The following JMJD7 variants were observed in gnomAD, a reference collection of about 807,000 sequenced individuals.
The protein encoded by JMJD7 is bifunctional peptidase and (3S)-lysyl hydroxylase JMJD7.
JMJD7 carries 41 observed loss-of-function variants against 41.1 expected under a neutral mutation model. That is an observed-to-expected ratio of 1.00 (90% confidence interval 0.78 to 1.30). The LOEUF (loss-of-function observed/expected upper bound fraction) is 1.30, where lower values mean the gene tolerates loss of function less well. JMJD7 is among the 50% of genes most tolerant of loss of function. The pLI, the probability that JMJD7 is intolerant of heterozygous loss-of-function variation, is 0.00. For missense variants in JMJD7, 480 were observed against 420.7 expected, an observed-to-expected ratio of 1.14 and a Z score of -1.23; for synonymous variants, 202 against 177.2, an observed-to-expected ratio of 1.14 and a Z score of -1.11.
At chr15:41,833,669 C>G (rs947656809) in intron 1 of JMJD7, among the ~76,000 whole-genome samples, 1 of 151,912 alleles carries the variant, frequency 6.6e-6, no homozygotes, top group Non-Finnish European at 1.5e-5. Context: ...ATCCTCCTGC[C>G]TCTGCCTCCC....
intron 1 of JMJD7, among the ~76,000 whole-genome samples, chr15:41,830,417 C>T (rs564470948): frequency 4.6e-5 from 7 of 152,348 alleles, no homozygotes; most frequent in African/African-American, 1.4e-4. Context: ...GTGGGGAAAA[C>T]GTGAAGAGGA....
intron 1 of JMJD7, chr15:41,829,346 C>G (rs2065193108): frequency 6.6e-6 from 1 of 152,280 alleles, no homozygotes; most frequent in African/African-American, 2.4e-5. Context: ...GGGTCTTACT[C>G]TGTCACACAG....
intron 5 of JMJD7, 70 bp downstream of exon 5, chr15:41,836,313 C>A (rs995139139): frequency 6.3e-7 from 1 of 1,595,996 alleles, no homozygotes; most frequent in South Asian, 1.1e-5. Context: ...CAGCAAGAGC[C>A]TGGGAGGCCA....
intron 1 of JMJD7, among the ~76,000 whole-genome samples, chr15:41,833,404 A>ATTTTTTTTTT (rs1567164783): frequency 7.3e-5 from 3 of 41,150 alleles, no homozygotes; most frequent in African/African-American, 2.2e-4. Context: ...ATATATATAT[A>ATTTTTTTTTT]TATATATATA....
chr15:41,833,711 C>T (rs756686040), intron 1 of JMJD7, among the ~76,000 whole-genome samples: 8 of 151,890 alleles, frequency 5.3e-5, no homozygotes, highest in Admixed American at 1.3e-4. Context: ...TGAGCCACCA[C>T]GTCTAGCCCT....
rs1333165175 is a variant in JMJD7, at chr15:41,836,246, A to G, written c.625+3A>G. The G allele has an allele frequency of 6.2e-7, 1 of 1,612,288 alleles. No homozygotes were observed. The highest frequency in any genetic ancestry group is 8.5e-7 in the Non-Finnish European group (1 of 1,179,248). ...CGACCGGCCCTTCATCCCCTATGGT[A>G]GGGGATGTGGCCTGCAGGGAGGGGC... On this transcript the variant is annotated splice_donor_region_variant and intron_variant, in intron 5 of 7. Coordinates refer to ENST00000397299, the MANE Select transcript of JMJD7 (RefSeq NM_001114632.2).
chr15:41,833,524 G>A (rs1383341728), intron 1 of JMJD7, among the ~76,000 whole-genome samples: 2 of 147,326 alleles, frequency 1.4e-5, no homozygotes, highest in African/African-American at 5.0e-5. Context: ...GGACTCAAGT[G>A]ATCCTCTGGC....
rs765412399 is a variant in JMJD7 at position 41,828,136 on chromosome 15, G to T, written c.12G>T (p.Ala4=). The T allele has an allele frequency of 3.4e-6, 5 of 1,470,762 alleles. No individual in the cohort carries two copies. The African/African-American group carries it at 4.5e-5, about 13-fold the overall frequency. 91.1% of individuals were successfully genotyped at this position (1,470,762 alleles called of 1,614,324 possible). The change falls in exon 1 of 8, where the codon GCG becomes GCT. Residue 4 remains alanine, a synonymous_variant. Coordinates refer to ENST00000397299, the MANE Select transcript of JMJD7 (RefSeq NM_001114632.2). ...GCGCTGACGCAGCCATGGCGGAGGC[G>T]GCTTTGGAAGCCGTGCGGAGCGAGT... The part of the protein sequence containing the change: MAE[A]ALEAVRSELR...
chr15:41,835,590 A>T lies in JMJD7; in HGVS notation c.475A>T (p.Lys159Ter). Residue 159 changes from lysine (K) to a stop codon, truncating the protein, a stop_gained and splice_region_variant, in exon 4 of 8, where the codon AAG becomes TAG. Transcript: ENST00000397299. LOFTEE classifies it high-confidence loss of function. ...GCTCTCTGCCTTCTGCCCTGCAGGAAAGATGCCCGATGCTGTGAACTTCTG... is the reference window on the plus strand; with the variant it reads ...GCTCTCTGCCTTCTGCCCTGCAGGATAGATGCCCGATGCTGTGAACTTCTG... ...HVPWASEALGKMPDAVNFWLG... is the reference protein window; with the variant it reads ...HVPWASEALG 1 of 1,613,740 alleles carries T rather than the reference A, an allele frequency of 6.2e-7. No homozygotes were observed. Among genetic ancestry groups the T allele is most frequent in the African/African-American group, 1.3e-5 (1 of 75,014 alleles).
At chr15:41,833,282 C>T (rs1567164707) in intron 1 of JMJD7, among the ~76,000 whole-genome samples, 1 of 151,474 alleles carries the variant, frequency 6.6e-6, no homozygotes, top group Admixed American at 6.6e-5. Flanking sequence ...GTGCTAGGTA[C>T]TGTTCTAGGT....
chr15:41,833,393 CATATATATAT>C (rs55860712), intron 1 of JMJD7, among the ~76,000 whole-genome samples: 1 of 50,562 alleles, frequency 2.0e-5, no homozygotes, highest in Non-Finnish European at 4.0e-5. Flanking sequence ...AGGTGAAATA[CATATATATAT>C]ATATATATAT....
intron 1 of JMJD7, among the ~76,000 whole-genome samples, chr15:41,833,414 A>ATATATTTTTTTTT (rs1239528383): frequency 1.6e-4 from 5 of 32,012 alleles, no homozygotes; most frequent in African/African-American, 1.9e-4. Context: ...ATATATATAT[A>ATATATTTTTTTTT]TTTTTTTTTT....
Position 41,834,832 on chromosome 15 carries a change from A to G in JMJD7, c.157A>G (p.Ile53Val), listed in dbSNP as rs1214073997. 5 of 1,614,086 alleles carry G rather than the reference A, an allele frequency of 3.1e-6. No individual in the cohort carries two copies. The highest frequency in any genetic ancestry group is 4.2e-6 in the Non-Finnish European group (5 of 1,180,050). The change falls in exon 2 of 8, where the codon ATT becomes GTT. Residue 53 changes from isoleucine to valine, a missense_variant. Transcript: ENST00000397299. ...CTGGGTCTGCCCCAACAGGCCGTGC[A>G]TTATCCGCAACGCTCTGCAGCACTG... Reference protein sequence around the residue: ...RDWVCPNRPCIIRNALQHWPA... With the variant: ...RDWVCPNRPCVIRNALQHWPA...
chr15:41,833,552 C>T (rs1214915628), intron 1 of JMJD7, among the ~76,000 whole-genome samples: 1 of 150,674 alleles, frequency 6.6e-6, no homozygotes, highest in Non-Finnish European at 1.5e-5. Context: ...TCTAGCGTAG[C>T]TAGGAGTATA....
At position 41,836,982 on chromosome 15, in the gene JMJD7, G is replaced by T. The variant is rs2065332049; in HGVS notation, c.862+42G>T. 1.9e-6 allele frequency: 3 copies of T among 1,608,932 alleles called. No homozygotes were observed. In the East Asian group the frequency reaches 6.7e-5, roughly 36 times the overall value. On this transcript the variant is annotated intron_variant, in intron 7 of 7. Coordinates refer to ENST00000397299, the MANE Select transcript of JMJD7 (RefSeq NM_001114632.2). ...GCCGCCTGGGGAGAGGCCCTGTCAA[G>T]GTCCAGCAGGGCCTCTGGGGGGAGG...
intron 1 of JMJD7, 34 bp downstream of exon 1, chr15:41,828,222 C>T (rs778451515): frequency 2.0e-6 from 3 of 1,493,122 alleles, no homozygotes; most frequent in Non-Finnish European, 2.6e-6. Flanking sequence ...CGGCGATTTC[C>T]GAACACGGGA....
rs558875789 is a variant in JMJD7 at position 41,831,584 on chromosome 15, C to G, written c.65-3156C>G. On this transcript the variant is annotated intron_variant, in intron 1 of 7. Coordinates refer to ENST00000397299, the MANE Select transcript of JMJD7 (RefSeq NM_001114632.2). ...CTTTATAAAAACCAGCAGAAAGACA[C>G]TCCAGTCTGAGTGAGCAGCTGGAAC... Among the ~76,000 whole-genome samples the G allele has an allele frequency of 4.9e-4, 75 of 152,306 alleles. 1 individual carries two copies. The South Asian group carries it at 0.014, about 29-fold the overall frequency.
intron 5 of JMJD7, 102 bp downstream of exon 5, chr15:41,836,345 C>G: frequency 1.3e-6 from 2 of 1,562,950 alleles, no homozygotes; most frequent in Non-Finnish European, 1.7e-6. Context: ...TGAGGTGTGG[C>G]TGTGGCATCC....
Position 41,837,249 on chromosome 15 carries a change from A to AGCC in JMJD7, c.*93_*94insGCC, listed in dbSNP as rs2065338478. 8 of 848,422 alleles carry AGCC rather than the reference A, an allele frequency of 9.4e-6. No individual in the cohort carries two copies. Among genetic ancestry groups the AGCC allele is most frequent in the Middle Eastern group, 2.9e-4 (1 of 3,470 alleles). The allele number at this position is 848,422 out of a possible 1,614,324, so 52.6% of individuals were successfully genotyped here. A position where few individuals can be genotyped will look rare whatever the true frequency, so the allele number is the denominator to read the frequency against. ...ATTCTCGAGAGAGCCTGGAGTGTGC[A>AGCC]TGCTGGCTGCTGGCCCCGGGTCCAG... On this transcript the variant is annotated 3_prime_UTR_variant, in exon 8 of 8. Transcript: ENST00000397299.
Sources: gnomAD v4.1 joint callset for allele counts (sites outside exome capture counted in the v4.1 genomes callset) on GRCh38, gnomAD v4.1.1 for gene constraint, MANE v1.5 for transcripts, NCBI Gene and HGNC (gene_info 2026-07-23, HGNC 2026-07-21) for gene names.